Variants in TTC27 observed in about 807,000 individuals in gnomAD.
The protein encoded by TTC27 is tetratricopeptide repeat protein 27.
Under a neutral mutation model 115.9 loss-of-function variants are expected in TTC27, and 79 were observed. The observed-to-expected ratio is 0.68, with a 90% CI of 0.57 to 0.82. The LOEUF (loss-of-function observed/expected upper bound fraction) is 0.82. Ranked by LOEUF, TTC27 falls within the 40% of genes least tolerant of loss-of-function variation. The pLI is 0.00. For missense variants in TTC27, 1,054 were observed against 993.1 expected (o/e 1.06, Z -0.82); for synonymous variants, 401 against 356.0 (o/e 1.13, Z -1.42).
chr2:32,732,395 T>C (rs931157492), intron 10 of TTC27, among the ~76,000 whole-genome samples: 3 of 152,242 alleles, frequency 2.0e-5, no homozygotes, highest in Non-Finnish European at 4.4e-5. Context: ...ATGTGTGTTT[T>C]CTCACACTTG....
intron 11 of TTC27, among the ~76,000 whole-genome samples, chr2:32,734,589 T>A (rs948336098): frequency 2.6e-5 from 4 of 152,318 alleles, no homozygotes; most frequent in African/African-American, 9.6e-5. Flanking sequence ...GCCCCTTGTC[T>A]ACATGGTTCT....
intron 16 of TTC27, among the ~76,000 whole-genome samples, chr2:32,795,149 A>C (rs1474232357): frequency 6.6e-6 from 1 of 151,852 alleles, no homozygotes; most frequent in Non-Finnish European, 1.5e-5. Flanking sequence ...AAAAAAAACA[A>C]ACAAAACACA....
At chr2:32,771,193 C>A (rs1669818284) in intron 13 of TTC27, among the ~76,000 whole-genome samples, 1 of 152,172 alleles carries the variant, frequency 6.6e-6, no homozygotes, top group Non-Finnish European at 1.5e-5. Context: ...AGTTTATAAT[C>A]TCTACCTGGA....
At chr2:32,739,701 C>A (rs1450855500) in intron 12 of TTC27, among the ~76,000 whole-genome samples, 1 of 152,066 alleles carries the variant, frequency 6.6e-6, no homozygotes, top group South Asian at 2.1e-4. Flanking sequence ...ACCTCCTTTA[C>A]CTGTTTTTCT....
At chr2:32,785,200 ATC>A (rs1230999677) in intron 15 of TTC27, among the ~76,000 whole-genome samples, 2 of 152,322 alleles carry the variant, frequency 1.3e-5, no homozygotes, top group South Asian at 2.1e-4. Flanking sequence ...TGAAATAAAC[ATC>A]TGTCTTCACT....
chr2:32,820,090 G>A (rs959178078), intron 19 of TTC27, among the ~76,000 whole-genome samples: 7 of 152,192 alleles, frequency 4.6e-5, no homozygotes, highest in Non-Finnish European at 1.0e-4. Context: ...ACAGATATTT[G>A]GCAAGCTACA....
intron 16 of TTC27, among the ~76,000 whole-genome samples, chr2:32,796,813 T>G (rs921008057): frequency 1.3e-5 from 2 of 152,050 alleles, no homozygotes; most frequent in African/African-American, 4.8e-5. Context: ...TACAGACCAA[T>G]AGAATTGAAC....
At chr2:32,686,412 C>T (rs1426057699) in intron 9 of TTC27, among the ~76,000 whole-genome samples, 1 of 152,044 alleles carries the variant, frequency 6.6e-6, no homozygotes, top group Non-Finnish European at 1.5e-5. Flanking sequence ...GTTACCCAGG[C>T]TGGAGCGCAA....
chr2:32,784,515 C>G (rs1249776754), intron 15 of TTC27, among the ~76,000 whole-genome samples: 1 of 152,206 alleles, frequency 6.6e-6, no homozygotes, highest in Non-Finnish European at 1.5e-5. Flanking sequence ...AAAGTGCTCT[C>G]TTTGCTGTTT....
intron 9 of TTC27, among the ~76,000 whole-genome samples, chr2:32,686,759 C>G (rs572977439): frequency 6.6e-6 from 1 of 152,088 alleles, no homozygotes; most frequent in Non-Finnish European, 1.5e-5. Context: ...CCTGGTGATA[C>G]TGGGGAATGA....
At chr2:32,771,349 A>G (rs1669825058) in intron 13 of TTC27, among the ~76,000 whole-genome samples, 1 of 152,182 alleles carries the variant, frequency 6.6e-6, no homozygotes, top group Admixed American at 6.5e-5. Context: ...TTGCCCCATT[A>G]TCTGTAGCCT....
intron 18 of TTC27, among the ~76,000 whole-genome samples, chr2:32,815,954 A>G (rs1671488128): frequency 6.6e-6 from 1 of 152,188 alleles, no homozygotes; most frequent in African/African-American, 2.4e-5. Flanking sequence ...GAAGATATTA[A>G]TTAATGACAG....
At chr2:32,644,872 C>CTT (rs35904079) in intron 4 of TTC27, among the ~76,000 whole-genome samples, 49 of 83,306 alleles carry the variant, frequency 5.9e-4, no homozygotes, top group East Asian at 1.6e-3. Context: ...TTCCTTTCTG[C>CTT]TTTTTTTTTT....
intron 5 of TTC27, among the ~76,000 whole-genome samples, chr2:32,660,151 A>C (rs372816383): frequency 6.6e-6 from 1 of 152,106 alleles, no homozygotes; most frequent in African/African-American, 2.4e-5. Flanking sequence ...AAGTGTTCCT[A>C]CTTCTCCACA....
At chr2:32,787,672 T>A (rs1445645951) in intron 16 of TTC27, among the ~76,000 whole-genome samples, 2 of 152,190 alleles carry the variant, frequency 1.3e-5, no homozygotes, top group Non-Finnish European at 2.9e-5. Context: ...AGCTGTTGTG[T>A]CATCCAAAAT....
At chr2:32,678,167 A>G (rs1666282791) in intron 8 of TTC27, among the ~76,000 whole-genome samples, 1 of 150,488 alleles carries the variant, frequency 6.6e-6, no homozygotes, top group African/African-American at 2.5e-5. Context: ...AGCTGGGAGG[A>G]TCCCTTGAAC....
At chr2:32,695,214 C>G (rs761583038) in intron 9 of TTC27, among the ~76,000 whole-genome samples, 2 of 152,118 alleles carry the variant, frequency 1.3e-5, no homozygotes, top group Non-Finnish European at 2.9e-5. Flanking sequence ...TTAGCCCTTG[C>G]AACTACCATT....
chr2:32,715,070 T>A (rs1265747500), intron 10 of TTC27, among the ~76,000 whole-genome samples: 1 of 152,176 alleles, frequency 6.6e-6, no homozygotes, highest in Non-Finnish European at 1.5e-5. Context: ...AAAGCTCTTT[T>A]GTTTAATTTG....
intron 14 of TTC27, among the ~76,000 whole-genome samples, chr2:32,781,731 C>G (rs1193335825): frequency 6.6e-6 from 1 of 152,170 alleles, no homozygotes; most frequent in Non-Finnish European, 1.5e-5. Context: ...CAGATGTGAA[C>G]CACTGCACCC....
Sources: allele counts gnomAD v4.1 joint callset (sites outside exome capture counted in the v4.1 genomes callset), GRCh38; gene constraint gnomAD v4.1.1; transcripts MANE v1.5; gene names NCBI Gene and HGNC (gene_info 2026-07-23, HGNC 2026-07-21).